The following UNC13C variants were observed in gnomAD, a reference collection of about 807,000 sequenced individuals.
UNC13C encodes unc-13 homolog C.
Under a neutral mutation model 245.4 loss-of-function variants are expected in UNC13C, and 174 were observed. The ratio of observed to expected loss-of-function variants is 0.71; its 90% CI spans 0.63 to 0.80. The LOEUF (loss-of-function observed/expected upper bound fraction) is 0.80. UNC13C is among the 30% of genes least tolerant of loss of function. UNC13C has a pLI of 0.00. For synonymous variants in UNC13C, 992 were observed against 895.1 expected, an observed-to-expected ratio of 1.11 and a Z score of -1.93; for missense variants, 2,829 against 2,602.9, an observed-to-expected ratio of 1.09 and a Z score of -1.89.
intron 2 of UNC13C, among the ~76,000 whole-genome samples, chr15:54,040,733 A>G (rs1220564339): frequency 1.3e-5 from 2 of 152,160 alleles, no homozygotes; most frequent in Non-Finnish European, 2.9e-5. Flanking sequence ...AACTGTCTTC[A>G]GGTGTGTAGA....
the UNC13C span, among the ~76,000 whole-genome samples, chr15:53,910,595 G>A: frequency 6.9e-6 from 1 of 145,796 alleles, no homozygotes; most frequent in Non-Finnish European, 1.5e-5. Context: ...AGACAGAGGG[G>A]ATCCAGGATA....
chr15:54,001,932 T>C (rs1292071043), intron 1 of UNC13C, among the ~76,000 whole-genome samples: 1 of 152,228 alleles, frequency 6.6e-6, no homozygotes, highest in Non-Finnish European at 1.5e-5. Context: ...TGCTCCGTGA[T>C]TTAACTGATG....
At chr15:54,257,525 GT>G (rs1343257943) in intron 8 of UNC13C, among the ~76,000 whole-genome samples, 1 of 152,188 alleles carries the variant, frequency 6.6e-6, no homozygotes, top group Non-Finnish European at 1.5e-5. Flanking sequence ...CAGTTTGGCA[GT>G]TTTTTGTAGG....
intron 4 of UNC13C, among the ~76,000 whole-genome samples, chr15:54,194,431 G>T (rs1281015829): frequency 6.6e-6 from 1 of 151,972 alleles, no homozygotes; most frequent in African/African-American, 2.4e-5. Flanking sequence ...TTGTGGCAAG[G>T]ACAATACTGA....
chr15:53,925,155 AT>A, the UNC13C span, among the ~76,000 whole-genome samples: 1 of 152,062 alleles, frequency 6.6e-6, no homozygotes, highest in African/African-American at 2.4e-5. Flanking sequence ...AATGGAGGGA[AT>A]AAATGTAACC....
chr15:54,099,030 C>G (rs923193189), intron 2 of UNC13C, among the ~76,000 whole-genome samples: 1 of 152,186 alleles, frequency 6.6e-6, no homozygotes, highest in African/African-American at 2.4e-5. Flanking sequence ...AATAATTCTC[C>G]TGAGAGAAAA....
chr15:53,839,587 C>G, the UNC13C span, among the ~76,000 whole-genome samples: 1 of 151,936 alleles, frequency 6.6e-6, no homozygotes, highest in South Asian at 2.1e-4. Context: ...CTTCTATAAA[C>G]AGTATATGAA....
intron 7 of UNC13C, among the ~76,000 whole-genome samples, chr15:54,244,122 C>T (rs779374989): frequency 1.7e-4 from 26 of 151,992 alleles, no homozygotes; most frequent in Non-Finnish European, 3.2e-4. Context: ...GTTTTATATT[C>T]AAGTCTTTAA....
At chr15:54,146,942 A>G (rs2032284893) in intron 4 of UNC13C, among the ~76,000 whole-genome samples, 1 of 152,202 alleles carries the variant, frequency 6.6e-6, no homozygotes, top group Admixed American at 6.5e-5. Flanking sequence ...GCTAAAAGAA[A>G]GTCATTCAGA....
chr15:54,402,181 A>G (rs2040201893), intron 18 of UNC13C, among the ~76,000 whole-genome samples: 1 of 152,128 alleles, frequency 6.6e-6, no homozygotes, highest in Non-Finnish European at 1.5e-5. Flanking sequence ...ATAGGTAGCG[A>G]AAAAACCCAC....
At chr15:54,575,573 A>G (rs990498944) in intron 30 of UNC13C, among the ~76,000 whole-genome samples, 1 of 152,202 alleles carries the variant, frequency 6.6e-6, no homozygotes, top group Admixed American at 6.5e-5. Context: ...ATTAAAAAAA[A>G]AAAAAAATGA....
intron 1 of UNC13C, among the ~76,000 whole-genome samples, chr15:53,989,269 A>T (rs1894277575): frequency 6.6e-6 from 1 of 151,944 alleles, no homozygotes; most frequent in African/African-American, 2.4e-5. Context: ...AAGGTTATGC[A>T]ACCTCAATTA....
chr15:54,331,781 A>T (rs188686520), intron 14 of UNC13C, among the ~76,000 whole-genome samples: 2 of 152,226 alleles, frequency 1.3e-5, no homozygotes, highest in Non-Finnish European at 1.5e-5. Context: ...GCAAGTCTCT[A>T]GATACTTTGT....
At chr15:54,006,225 T>G (rs1052933465) in intron 1 of UNC13C, among the ~76,000 whole-genome samples, 1 of 152,184 alleles carries the variant, frequency 6.6e-6, no homozygotes, top group African/African-American at 2.4e-5. Flanking sequence ...TGTTTACTCT[T>G]AAACAAAAGT....
At chr15:54,207,127 A>G (rs199881434) in intron 4 of UNC13C, among the ~76,000 whole-genome samples, 26 of 122,446 alleles carry the variant, frequency 2.1e-4, no homozygotes, top group African/African-American at 4.5e-4. Context: ...GATGATGATG[A>G]TGGTGATGAT....
chr15:54,529,801 C>T (rs941755702), intron 25 of UNC13C, among the ~76,000 whole-genome samples: 6 of 152,120 alleles, frequency 3.9e-5, no homozygotes, highest in African/African-American at 1.4e-4. Context: ...CCATTCCAAT[C>T]ATTTGACCAT....
At chr15:54,309,728 C>G (rs1485601170) in intron 13 of UNC13C, among the ~76,000 whole-genome samples, 2 of 151,762 alleles carry the variant, frequency 1.3e-5, no homozygotes, top group African/African-American at 4.8e-5. Flanking sequence ...TGCATGTGGA[C>G]ATCCAGTTTT....
At chr15:54,317,664 G>T (rs1462626376) in intron 13 of UNC13C, among the ~76,000 whole-genome samples, 1 of 151,786 alleles carries the variant, frequency 6.6e-6, no homozygotes, top group Non-Finnish European at 1.5e-5. Context: ...ATGCCTTGAG[G>T]CACATATACT....
chr15:54,372,558 T>A (rs939771901), intron 17 of UNC13C, among the ~76,000 whole-genome samples: 1 of 152,254 alleles, frequency 6.6e-6, no homozygotes, highest in African/African-American at 2.4e-5. Context: ...TTCTACTACA[T>A]GTAAATATTT....
Sources: allele counts gnomAD v4.1 joint callset (sites outside exome capture counted in the v4.1 genomes callset), GRCh38; gene constraint gnomAD v4.1.1; transcripts MANE v1.5; gene names NCBI Gene and HGNC (gene_info 2026-07-23, HGNC 2026-07-21).